The following ASAP1 variants were observed in gnomAD, a reference collection of about 807,000 sequenced individuals.
The protein encoded by ASAP1 is arf-GAP with SH3 domain, ANK repeat and PH domain-containing protein 1.
A neutral mutation model predicts 145.2 loss-of-function variants in ASAP1; 43 were observed. The observed-to-expected ratio is 0.30, with a 90% CI of 0.23 to 0.38. The LOEUF is 0.38. Ranked by LOEUF, ASAP1 falls within the 10% of genes least tolerant of loss-of-function variation. ASAP1 has a pLI of 1.00. For synonymous variants in ASAP1, 546 were observed against 515.5 expected (o/e 1.06, Z -0.80); for missense variants, 1,018 against 1,355.3 (o/e 0.75, Z 3.91).
At chr8:130,122,370 A>T (rs1292948122) in intron 18 of ASAP1, among the ~76,000 whole-genome samples, 1 of 152,216 alleles carries the variant, frequency 6.6e-6, no homozygotes, top group Non-Finnish European at 1.5e-5. Context: ...TAAATGAGTG[A>T]TCAAACTGCA....
At chr8:130,375,072 T>C (rs1297973379) in intron 2 of ASAP1, among the ~76,000 whole-genome samples, 2 of 152,202 alleles carry the variant, frequency 1.3e-5, no homozygotes, top group Non-Finnish European at 1.5e-5. Flanking sequence ...TCCGGTTTCC[T>C]AACTGCTCCA....
chr8:130,140,974 T>G (rs2097609414), intron 13 of ASAP1, among the ~76,000 whole-genome samples: 1 of 152,252 alleles, frequency 6.6e-6, no homozygotes, highest in Non-Finnish European at 1.5e-5. Context: ...TTTGTGTAAC[T>G]TTCCAAAATT....
At chr8:130,370,754 A>T (rs544333561) in intron 2 of ASAP1, among the ~76,000 whole-genome samples, 94 of 152,368 alleles carry the variant, frequency 6.2e-4, no homozygotes, top group Admixed American at 1.3e-3. Context: ...ATGCTACAAC[A>T]TGGATGAAAC....
chr8:130,291,083 C>A (rs1264011706), intron 3 of ASAP1, among the ~76,000 whole-genome samples: 1 of 152,188 alleles, frequency 6.6e-6, no homozygotes, highest in Non-Finnish European at 1.5e-5. Flanking sequence ...CTTGCCTCTG[C>A]TGCAGCTAAA....
intron 27 of ASAP1, among the ~76,000 whole-genome samples, chr8:130,068,487 CT>C (rs2097434911): frequency 6.6e-6 from 1 of 152,214 alleles, no homozygotes; most frequent in Non-Finnish European, 1.5e-5. Flanking sequence ...CATCAGCTTC[CT>C]GAGGAACCTT....
At chr8:130,091,481 G>A (rs2097505289) in intron 25 of ASAP1, among the ~76,000 whole-genome samples, 1 of 152,230 alleles carries the variant, frequency 6.6e-6, no homozygotes, top group Admixed American at 6.5e-5. Flanking sequence ...AGTGGCAGGA[G>A]AGGGTCTAGG....
intron 24 of ASAP1, among the ~76,000 whole-genome samples, chr8:130,099,164 C>A (rs1329860616): frequency 6.6e-6 from 1 of 151,810 alleles, no homozygotes; most frequent in Non-Finnish European, 1.5e-5. Flanking sequence ...TACGTGTACG[C>A]CACCAGGCCT....
chr8:130,077,899 C>A (rs970962000), intron 26 of ASAP1, among the ~76,000 whole-genome samples: 2 of 152,086 alleles, frequency 1.3e-5, no homozygotes, highest in African/African-American at 4.8e-5. Flanking sequence ...GGCTTTGTTT[C>A]TCTTGAAAGA....
chr8:130,189,619 A>T (rs1311928455), intron 5 of ASAP1, among the ~76,000 whole-genome samples: 1 of 152,178 alleles, frequency 6.6e-6, no homozygotes, highest in African/African-American at 2.4e-5. Flanking sequence ...TGAACATGAG[A>T]GTACGGGTTA....
chr8:130,372,029 A>G (rs1827236607), intron 2 of ASAP1, among the ~76,000 whole-genome samples: 1 of 152,244 alleles, frequency 6.6e-6, no homozygotes, highest in Non-Finnish European at 1.5e-5. Flanking sequence ...TGTATATTTA[A>G]GAGGCTTAGG....
In ASAP1 at chr8:130,169,036, T is replaced by C. The variant is rs761934616; in HGVS notation, c.778A>G (p.Lys260Glu). 3.2e-6 allele frequency: 5 copies of C among 1,574,270 alleles called. No individual in the cohort carries two copies. The highest frequency in any genetic ancestry group is 3.4e-6 in the Non-Finnish European group (4 of 1,163,910). The change falls in exon 10 of 30, where the codon AAG becomes GAG. Residue 260 changes from lysine to glutamate, a missense_variant. By Grantham distance (56) the Lys-to-Glu change is moderately conservative. Coordinates refer to ENST00000518721, the MANE Select transcript of ASAP1 (RefSeq NM_018482.4). ...FFQDGLKTAD[K>E]LKQYIEKLAA... ...AGTTTTTCAATGTACTGTTTCAACT[T>C]ATCAGCTGTTTTCAAGCCATCTTGA...
At chr8:130,081,098 T>G (rs1373844216) in intron 25 of ASAP1, among the ~76,000 whole-genome samples, 1 of 152,224 alleles carries the variant, frequency 6.6e-6, no homozygotes, top group Non-Finnish European at 1.5e-5. Flanking sequence ...GAACATCAGT[T>G]GCTGTCAATT....
Position 130,072,824 on chromosome 8 carries a change from T to TGTGTGTGTGTGCGC in ASAP1, c.2701+3523_2701+3524insGCGCACACACACAC. Among the ~76,000 whole-genome samples the TGTGTGTGTGTGCGC allele has an allele frequency of 3.1e-4, 10 of 32,312 alleles. 1 individual carries two copies. The highest frequency in any genetic ancestry group is 4.9e-4 in the African/African-American group (4 of 8,194). The allele number at this position is 32,312 out of a possible 152,430, so 21.2% of individuals were successfully genotyped here. Reference sequence around the variant, plus strand: ...GTGTGTGTGTGTGTGTGTGTGTGTGTGCGCGCGGGGGGGGGCAGTTTTGGG... The same window carrying TGTGTGTGTGTGCGC: ...GTGTGTGTGTGTGTGTGTGTGTGTGTGTGTGTGTGTGCGCGCGCGCGGGGGGGGGCAGTTTTGGG... On this transcript the variant is annotated intron_variant, in intron 27 of 29. Transcript: ENST00000518721.
In ASAP1 at chr8:130,358,635, C is replaced by A. The variant is rs1307979800; in HGVS notation, c.60-492G>T. Among the ~76,000 whole-genome samples the A allele has an allele frequency of 6.8e-6, 1 of 147,046 alleles. No homozygotes were observed. The highest frequency in any genetic ancestry group is 1.5e-5 in the Non-Finnish European group (1 of 66,054). On this transcript the variant is annotated intron_variant, in intron 2 of 29. Coordinates refer to ENST00000518721, the MANE Select transcript of ASAP1 (RefSeq NM_018482.4). This position sits in a 1 kb window ranked among gnomAD's most constrained non-coding sequence, Gnocchi z 4.1. ...GCGGCGGGCGGGCGGGCGGGCGGCGCTCGCGCTGCAGTCACGGGGCCAAAC... is the reference window on the plus strand; with the variant it reads ...GCGGCGGGCGGGCGGGCGGGCGGCGATCGCGCTGCAGTCACGGGGCCAAAC...
At position 130,141,040 on chromosome 8, in the gene ASAP1, G is replaced by T. The variant is rs563193111; in HGVS notation, c.1081-4002C>A. ...TTTATAGGTATATTGATTGGAGACT[G>T]TATAATCTTTCCTGGGATTTCAGCA... On this transcript the variant is annotated intron_variant, in intron 13 of 29. Transcript: ENST00000518721. 5.3e-5 allele frequency among the ~76,000 whole-genome samples: 8 copies of T among 152,302 alleles called. No individual in the cohort carries two copies. The East Asian group carries it at 1.5e-3, about 29-fold the overall frequency.
Sources: allele counts gnomAD v4.1 joint callset (sites outside exome capture counted in the v4.1 genomes callset), GRCh38; gene constraint gnomAD v4.1.1; non-coding constraint Gnocchi (gnomAD v3.1); transcripts MANE v1.5; gene names NCBI Gene and HGNC (gene_info 2026-07-23, HGNC 2026-07-21).